The following AP3D1 variants were observed in gnomAD, a reference collection of about 807,000 sequenced individuals.
AP3D1 encodes the protein adaptor related protein complex 3 subunit delta 1.
A neutral mutation model predicts 147.6 loss-of-function variants in AP3D1; 51 were observed. That is an observed-to-expected ratio of 0.35 (90% CI 0.28 to 0.44). The LOEUF (loss-of-function observed/expected upper bound fraction) is 0.44. Ranked by LOEUF, AP3D1 falls within the 20% of genes least tolerant of loss-of-function variation. The pLI, the probability that AP3D1 is intolerant of heterozygous loss-of-function variation, is 1.00. For synonymous variants in AP3D1, 760 were observed against 663.0 expected (o/e 1.15, Z -2.25); for missense variants, 1,421 against 1,624.2 (o/e 0.87, Z 2.15).
intron 1 of AP3D1, among the ~76,000 whole-genome samples, chr19:2,150,006 G>A (rs2019462814): frequency 6.6e-6 from 1 of 152,264 alleles, no homozygotes; most frequent in Non-Finnish European, 1.5e-5. Context: ...AGGCCGAAGG[G>A]AAGTGGGGTG....
Position 2,111,707 on chromosome 19 carries a change from T to C in AP3D1, c.2909A>G (p.Asn970Ser). 1 of 1,600,670 alleles carries C rather than the reference T, an allele frequency of 6.2e-7. No individual in the cohort carries two copies. The highest frequency in any genetic ancestry group is 8.5e-7 in the Non-Finnish European group (1 of 1,174,812). The change falls in exon 25 of 32, where the codon AAT (asparagine) becomes AGT (serine). Residue 970 changes from asparagine (N) to serine (S), a missense_variant. Asn to Ser is a conservative substitution (Grantham distance 46). This residue lies in a region of AP3D1 where 791 missense variants were observed against 761.4 expected (regional missense o/e 1.04). Coordinates refer to ENST00000643116, the MANE Select transcript of AP3D1 (RefSeq NM_001261826.3). ...GAGCTGCTCCTCCTCTGGCGCGCCA[T>C]TCTGCACCGGCTCCCCCGCTGCCTC... ...SEEAAGEPVQ[N>S]GAPEEEQLPP...
chr19:2,109,274 C>T, intron 29 of AP3D1, 67 bp from the exon 30 acceptor site: 1 of 1,503,486 alleles, frequency 6.7e-7, no homozygotes, highest in Non-Finnish European at 8.8e-7. Flanking sequence ...GCACAGAGGC[C>T]AACAAAACCT....
chr19:2,136,330 C>T (rs536782644), intron 4 of AP3D1, among the ~76,000 whole-genome samples: 3 of 152,274 alleles, frequency 2.0e-5, no homozygotes, highest in African/African-American at 4.8e-5. Flanking sequence ...ACTGTGGGGT[C>T]GACAACACAG....
chr19:2,160,592 T>C (rs575165987), intron 1 of AP3D1, among the ~76,000 whole-genome samples: 2 of 151,848 alleles, frequency 1.3e-5, no homozygotes, highest in African/African-American at 4.8e-5. Flanking sequence ...CAGTCCATCC[T>C]CCACCAGCTC....
rs1265838305 is a variant in AP3D1, at chr19:2,114,119, C to A, written c.2601+6G>T. ...AGAAGGCCGCCGCCCTGGGCACTAG[C>A]CTTACCTTCTTCTCCTTCTCCTTCT... is the stretch of plus-strand genomic sequence containing the variant. On this transcript the variant is annotated splice_donor_region_variant and intron_variant, in intron 22 of 31. Transcript: ENST00000643116. 2.9e-5 allele frequency: 45 copies of A among 1,553,634 alleles called. No homozygotes were observed. Among genetic ancestry groups the A allele is most frequent in the Non-Finnish European group, 3.8e-5 (44 of 1,148,678 alleles).
chr19:2,116,119 G>A, intron 18 of AP3D1, 88 bp downstream of exon 18: 3 of 1,352,334 alleles, frequency 2.2e-6, no homozygotes, highest in South Asian at 1.2e-5. Flanking sequence ...ATCTTCCTGA[G>A]GGAACCCGAA....
intron 25 of AP3D1, 101 bp downstream of exon 25, chr19:2,111,578 T>C: frequency 7.0e-7 from 1 of 1,422,472 alleles, no homozygotes; most frequent in South Asian, 1.4e-5. Flanking sequence ...TCTTCTCGAA[T>C]CTGCTCAGTT....
chr19:2,159,535 C>T (rs1025687946), intron 1 of AP3D1, among the ~76,000 whole-genome samples: 4 of 150,872 alleles, frequency 2.7e-5, no homozygotes, highest in African/African-American at 9.7e-5. Flanking sequence ...ACTACAGGTG[C>T]CCGCCACAGC....
chr19:2,114,133 CCTTCTCCTTCTT>C lies in AP3D1; in HGVS notation c.2581_2592del (p.Lys861_Lys864del), dbSNP rs2018366623. Reference sequence around the variant, plus strand: ...CTGGGCACTAGCCTTACCTTCTTCTCCTTCTCCTTCTTCTTCTCCTTGTCTCTCTCTTTCTCT... The same window carrying C: ...CTGGGCACTAGCCTTACCTTCTTCTCCTTCTCCTTGTCTCTCTCTTTCTCT... On this transcript the variant is annotated inframe_deletion, in exon 22 of 32. Transcript: ENST00000643116. 2 of 1,540,182 alleles carry C rather than the reference CCTTCTCCTTCTT, an allele frequency of 1.3e-6. No homozygotes were observed. Among genetic ancestry groups the C allele is most frequent in the South Asian group, 2.4e-5 (2 of 84,506 alleles).
At chr19:2,138,819 T>C (rs1017411751) in intron 1 of AP3D1, 105 bp from the exon 2 acceptor site, 1 of 794,548 alleles carries the variant, frequency 1.3e-6, no homozygotes, top group African/African-American at 1.7e-5. Context: ...CCCAGCACTT[T>C]GGGAGGCCGA....
Position 2,115,225 on chromosome 19 carries a change from C to A in AP3D1, c.2343G>T (p.Met781Ile), listed in dbSNP as rs759664887. 1.9e-6 allele frequency: 3 copies of A among 1,612,734 alleles called. No individual in the cohort carries two copies. Among genetic ancestry groups the A allele is most frequent in the South Asian group, 2.2e-5 (2 of 91,010 alleles). The change falls in exon 20 of 32, where the codon ATG becomes ATT. Residue 781 changes from methionine to isoleucine, a missense_variant. This residue lies in a region of AP3D1 where 791 missense variants were observed against 761.4 expected (regional missense o/e 1.04). Transcript: ENST00000643116. Reference sequence around the variant, plus strand: ...GACCTCCAGCGAGGCTGACCTCAGGCATCTCCTCTGTGACGATGTCCACCT... The same window carrying A: ...GACCTCCAGCGAGGCTGACCTCAGGAATCTCCTCTGTGACGATGTCCACCT... ...AQQVDIVTEE[M>I]PENALPSDED...
chr19:2,118,801 C>T lies in AP3D1; in HGVS notation c.1513G>A (p.Ala505Thr), dbSNP rs2018530569. 6.2e-7 allele frequency: 1 copy of T among 1,613,578 alleles called. No homozygotes were observed. The highest frequency in any genetic ancestry group is 1.7e-5 in the Admixed American group (1 of 59,988). ...HLQEPHHTLE[A>T]MLRPRVTTLP... The stretch of plus-strand genomic sequence containing the variant: ...GTGGTGACTCTGGGCCGCAGCATGG[C>T]CTCCAAAGTGTGGTGTGGTTCCTGC... The change falls in exon 15 of 32, where the codon GCC becomes ACC. Residue 505 changes from alanine (A) to threonine (T), a missense_variant. This residue lies in a region of AP3D1 where 310 missense variants were observed against 388.1 expected (regional missense o/e 0.80). Coordinates refer to ENST00000643116, the MANE Select transcript of AP3D1 (RefSeq NM_001261826.3).
intron 1 of AP3D1, among the ~76,000 whole-genome samples, chr19:2,143,431 G>A (rs182632354): frequency 4.0e-5 from 6 of 151,320 alleles, no homozygotes; most frequent in Admixed American, 1.3e-4. Flanking sequence ...TAGTAGAGAC[G>A]GGATTTCGCC....
At position 2,138,693 on chromosome 19, in the gene AP3D1, T is replaced by C. The variant is rs748329813; in HGVS notation, c.118A>G (p.Ile40Val). 3 of 1,613,364 alleles carry C rather than the reference T, an allele frequency of 1.9e-6. No homozygotes were observed. Among genetic ancestry groups the C allele is most frequent in the Non-Finnish European group, 2.5e-6 (3 of 1,179,808 alleles). Residue 40 changes from isoleucine to valine, a missense_variant, in exon 2 of 32, where the codon ATT becomes GTT. Ile to Val is a conservative substitution (Grantham distance 29). This residue lies in a region of AP3D1 where 292 missense variants were observed against 412.0 expected (regional missense o/e 0.71). Coordinates refer to ENST00000643116, the MANE Select transcript of AP3D1 (RefSeq NM_001261826.3). ...TTCAGCTCCTGCTTGATCTCATCAA[T>C]GCACTGAGATATGTATTTTGCCTAT... ...EDEAKYISQC[I>V]DEIKQELKQD...
At chr19:2,137,944 T>A in intron 2 of AP3D1, 137 bp from the exon 3 acceptor site, 7 of 553,194 alleles carry the variant, frequency 1.3e-5, no homozygotes, top group Admixed American at 2.9e-5. Context: ...ACCCAATACG[T>A]ACCCCTGGGG....
At chr19:2,133,697 T>C (rs2019007210) in intron 4 of AP3D1, among the ~76,000 whole-genome samples, 1 of 151,984 alleles carries the variant, frequency 6.6e-6, no homozygotes, top group Non-Finnish European at 1.5e-5. Context: ...ACAGATGGGG[T>C]TTTACCATGT....
intron 27 of AP3D1, 43 bp from the exon 28 acceptor site, chr19:2,110,267 G>T: frequency 1.3e-6 from 2 of 1,537,902 alleles, no homozygotes; most frequent in Non-Finnish European, 1.8e-6. Flanking sequence ...CGCTGCGGGG[G>T]CTCAGCATGG....
At chr19:2,150,025 C>A (rs1190979241) in intron 1 of AP3D1, among the ~76,000 whole-genome samples, 2 of 152,104 alleles carry the variant, frequency 1.3e-5, no homozygotes, top group East Asian at 1.9e-4. Flanking sequence ...TGGAGAAGAA[C>A]AAAAATGACC....
At chr19:2,154,864 T>G (rs939338476), upstream of AP3D1, among the ~76,000 whole-genome samples, 1 of 152,228 alleles carries the variant, frequency 6.6e-6, no homozygotes, top group Non-Finnish European at 1.5e-5. Flanking sequence ...GAGTCATGTC[T>G]GTTTAATGAA....
Sources: allele counts gnomAD v4.1 joint callset (sites outside exome capture counted in the v4.1 genomes callset), GRCh38; gene constraint gnomAD v4.1.1; regional missense constraint gnomAD v4.1.1; transcripts MANE v1.5; gene names NCBI Gene and HGNC (gene_info 2026-07-23, HGNC 2026-07-21).